Variants in CPA5 observed in about 807,000 individuals in gnomAD.
CPA5 encodes carboxypeptidase A5.
CPA5 carries 38 observed loss-of-function variants against 52.2 expected under a neutral mutation model. The observed-to-expected ratio is 0.73, with a 90% CI of 0.56 to 0.95. CPA5 has a LOEUF of 0.95. CPA5 is among the 40% of genes least tolerant of loss of function. CPA5 has a pLI of 0.00. For synonymous variants in CPA5, 198 were observed against 213.7 expected, an observed-to-expected ratio of 0.93 and a Z score of 0.64; for missense variants, 519 against 566.7, an observed-to-expected ratio of 0.92 and a Z score of 0.86.
chr7:130,362,540 G>T lies in CPA5; in HGVS notation c.636+1G>T. Reference sequence around the variant, plus strand: ...CACCGGCATCTGGACTGCCAATAAGGTCAGCATGGACCTGTAGCCAAGGTG... The same window carrying T: ...CACCGGCATCTGGACTGCCAATAAGTTCAGCATGGACCTGTAGCCAAGGTG... On this transcript the variant is annotated splice_donor_variant, in intron 8 of 12. Coordinates refer to ENST00000474905, the MANE Select transcript of CPA5 (RefSeq NM_080385.5). LOFTEE classifies it high-confidence loss of function. 6.2e-7 allele frequency: 1 copy of T among 1,610,612 alleles called. No individual in the cohort carries two copies.
At chr7:130,355,297 CTCA>C (rs1554404929) in intron 5 of CPA5, among the ~76,000 whole-genome samples, 1 of 152,198 alleles carries the variant, frequency 6.6e-6, no homozygotes. Flanking sequence ...CACACTCCTC[CTCA>C]TCATCATAGC....
At chr7:130,367,106 G>A (rs1796129828) in intron 10 of CPA5, among the ~76,000 whole-genome samples, 1 of 152,138 alleles carries the variant, frequency 6.6e-6, no homozygotes, top group Admixed American at 6.5e-5. Flanking sequence ...GATCCAGGAG[G>A]CTGTTTCTAT....
intron 12 of CPA5, 45 bp from the exon 13 acceptor site, chr7:130,368,365 C>T (rs781870768): frequency 3.1e-6 from 5 of 1,591,496 alleles, no homozygotes; most frequent in African/African-American, 1.3e-5. Context: ...CAGCCACATC[C>T]CCTTCTTCCT....
downstream of CPA5, among the ~76,000 whole-genome samples, chr7:130,371,951 T>C (rs1554409975): frequency 1.3e-5 from 2 of 152,332 alleles, no homozygotes; most frequent in Admixed American, 1.3e-4. Context: ...TCCCTGCTCA[T>C]CAGCTCCAAC....
intron 5 of CPA5, among the ~76,000 whole-genome samples, chr7:130,353,709 C>G (rs782109060): frequency 6.6e-6 from 1 of 152,164 alleles, no homozygotes; most frequent in Non-Finnish European, 1.5e-5. Context: ...AGGGCCCATG[C>G]GCCATCTCGT....
chr7:130,362,845 C>T, intron 8 of CPA5, 39 bp from the exon 9 acceptor site: 1 of 1,376,832 alleles, frequency 7.3e-7, no homozygotes, highest in South Asian at 1.2e-5. Context: ...CCCAGGAGAC[C>T]CAGTAGGGCC....
At chr7:130,360,541 C>T (rs555786198) in intron 6 of CPA5, among the ~76,000 whole-genome samples, 1 of 152,324 alleles carries the variant, frequency 6.6e-6, no homozygotes, top group Non-Finnish European at 1.5e-5. Context: ...TTCTTGATAC[C>T]ATCCATCTAT....
downstream of CPA5, among the ~76,000 whole-genome samples, chr7:130,372,943 T>A (rs782264860): frequency 3.3e-5 from 5 of 152,144 alleles, no homozygotes; most frequent in Non-Finnish European, 7.4e-5. Flanking sequence ...ATTTTTGCAG[T>A]TATGAAGACA....
chr7:130,374,257 G>A, the CPA5 span, among the ~76,000 whole-genome samples: 1 of 151,986 alleles, frequency 6.6e-6, no homozygotes, highest in East Asian at 1.9e-4. Flanking sequence ...AACTCGGGGG[G>A]CAAAAAATGT....
In CPA5 at chr7:130,346,106, G is replaced by A. The variant is rs539599076; in HGVS notation, c.-94+210G>A. 5.9e-5 allele frequency among the ~76,000 whole-genome samples: 9 copies of A among 152,346 alleles called. No individual in the cohort carries two copies. In the East Asian group the frequency reaches 1.5e-3, roughly 26 times the overall value. On this transcript the variant is annotated intron_variant, in intron 2 of 12. Coordinates refer to ENST00000474905, the MANE Select transcript of CPA5 (RefSeq NM_080385.5). The stretch of plus-strand genomic sequence containing the variant: ...AGTGGGCTAGGCGGAGAAGAAGAGC[G>A]AAAGAGAAGATGCTGTAGAGGAGGG...
At position 130,363,526 on chromosome 7, in the gene CPA5, T is replaced by TC. The variant is rs1454004165; in HGVS notation, c.838+19dup. The stretch of plus-strand genomic sequence containing the variant: ...GTTTTGGAGGTATGGCAACCTGCTG[T>TC]CCTGGGGCAGGGTTGGAGAAGAGGT... On this transcript the variant is annotated intron_variant, in intron 10 of 12. Coordinates refer to ENST00000474905, the MANE Select transcript of CPA5 (RefSeq NM_080385.5). 6.4e-7 allele frequency: 1 copy of TC among 1,566,356 alleles called. No homozygotes were observed. Among genetic ancestry groups the TC allele is most frequent in the African/African-American group, 1.3e-5 (1 of 74,444 alleles).
downstream of CPA5, among the ~76,000 whole-genome samples, chr7:130,369,664 T>TGTGTGCATGTGC (rs1298611541): frequency 1.3e-5 from 2 of 152,010 alleles, no homozygotes; most frequent in Non-Finnish European, 2.9e-5. Flanking sequence ...TGTGTGCACG[T>TGTGTGCATGTGC]GTGTGCATGT....
rs530334723 is a variant in CPA5 at position 130,368,654 on chromosome 7, C to T, written c.*57C>T. 20 of 1,578,912 alleles carry T rather than the reference C, an allele frequency of 1.3e-5. No homozygotes were observed. Among genetic ancestry groups the T allele is most frequent in the East Asian group, 9.0e-5 (4 of 44,654 alleles). ...TCTCCCCAAGGTCTGTGGCTCCTCC[C>T]GAAACCCAAGTTATGCATCCCCATC... On this transcript the variant is annotated 3_prime_UTR_variant, in exon 13 of 13. Transcript: ENST00000474905.
chr7:130,354,113 A>C (rs1795336793), intron 5 of CPA5, among the ~76,000 whole-genome samples: 1 of 152,010 alleles, frequency 6.6e-6, no homozygotes, highest in Non-Finnish European at 1.5e-5. Context: ...TTTTTTGTAG[A>C]GATGGGGTCT....
chr7:130,351,533 T>G (rs1252979941), intron 5 of CPA5, among the ~76,000 whole-genome samples: 1 of 152,142 alleles, frequency 6.6e-6, no homozygotes, highest in Non-Finnish European at 1.5e-5. Flanking sequence ...TCTGACCTCT[T>G]AACCTTGATC....
chr7:130,356,071 G>A (rs1480425140), intron 5 of CPA5, among the ~76,000 whole-genome samples: 1 of 152,214 alleles, frequency 6.6e-6, no homozygotes, highest in African/African-American at 2.4e-5. Flanking sequence ...TGTTAGACCT[G>A]GAAGAGAAGG....
At chr7:130,358,374 C>T (rs1554405730) in intron 5 of CPA5, among the ~76,000 whole-genome samples, 1 of 152,082 alleles carries the variant, frequency 6.6e-6, no homozygotes, top group Non-Finnish European at 1.5e-5. Flanking sequence ...GACTAGAATG[C>T]CTGGTTCTTA....
At chr7:130,356,426 G>C (rs1183198221) in intron 5 of CPA5, among the ~76,000 whole-genome samples, 2 of 152,180 alleles carry the variant, frequency 1.3e-5, no homozygotes, top group Non-Finnish European at 2.9e-5. Context: ...AGCCTGACAG[G>C]GCTGTCATTA....
At chr7:130,357,579 C>G (rs575294704) in intron 5 of CPA5, among the ~76,000 whole-genome samples, 3 of 150,956 alleles carry the variant, frequency 2.0e-5, no homozygotes, top group African/African-American at 7.3e-5. Flanking sequence ...GGCGAGATCA[C>G]GCCACTGTAC....
Sources: gnomAD v4.1 joint callset for allele counts (sites outside exome capture counted in the v4.1 genomes callset) on GRCh38, gnomAD v4.1.1 for gene constraint, MANE v1.5 for transcripts, NCBI Gene and HGNC (gene_info 2026-07-23, HGNC 2026-07-21) for gene names.